Variants in GALNTL6 observed in about 807,000 individuals in gnomAD.
The protein encoded by GALNTL6 is polypeptide N-acetylgalactosaminyltransferase like 6.
A neutral mutation model predicts 73.7 loss-of-function variants in GALNTL6; 46 were observed. That is an observed-to-expected ratio of 0.62 (90% CI 0.49 to 0.80). The LOEUF is 0.80. Ranked by LOEUF, GALNTL6 falls within the 30% of genes least tolerant of loss-of-function variation. The probability of loss-of-function intolerance (pLI) is 0.00; values close to 1 mark genes in which losing one functional copy is unlikely to be tolerated. For missense variants in GALNTL6, 604 were observed against 755.0 expected (o/e 0.80, Z 2.34); for synonymous variants, 259 against 263.7 (o/e 0.98, Z 0.17).
intron 5 of GALNTL6, among the ~76,000 whole-genome samples, chr4:172,551,911 A>G (rs1194214637): frequency 6.6e-6 from 1 of 152,170 alleles, no homozygotes; most frequent in East Asian, 1.9e-4. Flanking sequence ...ATGTAAAGAA[A>G]AATTCAAGTG....
At chr4:172,300,288 G>C (rs1290929247) in intron 3 of GALNTL6, among the ~76,000 whole-genome samples, 1 of 152,096 alleles carries the variant, frequency 6.6e-6, no homozygotes, top group Non-Finnish European at 1.5e-5. Context: ...TGGGTTTCCT[G>C]AATACAGCAC....
intron 5 of GALNTL6, among the ~76,000 whole-genome samples, chr4:172,421,928 G>A (rs770521309): frequency 2.1e-4 from 23 of 110,732 alleles, no homozygotes; most frequent in South Asian, 1.3e-3. Context: ...TTTTTGAACC[G>A]TTTCTAGCTG....
At chr4:172,124,497 C>T (rs1177930355) in intron 2 of GALNTL6, among the ~76,000 whole-genome samples, 1 of 151,952 alleles carries the variant, frequency 6.6e-6, no homozygotes, top group Admixed American at 6.6e-5. Flanking sequence ...ATTTCTTTAA[C>T]CAGGGTGATA....
chr4:171,850,577 T>G (rs1263726234), intron 2 of GALNTL6, among the ~76,000 whole-genome samples: 5 of 152,160 alleles, frequency 3.3e-5, no homozygotes, highest in African/African-American at 1.2e-4. Context: ...TTTTGTTAAG[T>G]GCAGGTGTGT....
At chr4:172,613,457 G>A (rs1455127) in intron 5 of GALNTL6, among the ~76,000 whole-genome samples, 142,238 of 151,904 alleles carry the variant, frequency 0.94, 67,058 homozygotes, top group Non-Finnish European at 1. Flanking sequence ...AAGTGCTAGG[G>A]CCTATAAAGC....
At chr4:172,909,307 TA>T (rs1185367298) in intron 8 of GALNTL6, among the ~76,000 whole-genome samples, 1,435 of 138,798 alleles carry the variant, frequency 0.01, 22 homozygotes, top group African/African-American at 0.032. Context: ...AAGTGTGTTT[TA>T]AAAAAAAAAA....
At chr4:173,035,180 CT>C (rs5864181) in intron 12 of GALNTL6, among the ~76,000 whole-genome samples, 161 of 136,570 alleles carry the variant, frequency 1.2e-3, no homozygotes, top group Admixed American at 1.6e-3. Context: ...GTGCCATGCT[CT>C]TTTTTTTTTT....
At chr4:172,346,154 A>G (rs1741730728) in intron 4 of GALNTL6, among the ~76,000 whole-genome samples, 1 of 152,222 alleles carries the variant, frequency 6.6e-6, no homozygotes, top group South Asian at 2.1e-4. Context: ...ATCTCTCATG[A>G]GCCTGTTCCT....
At chr4:171,982,712 A>C (rs1322507452) in intron 2 of GALNTL6, among the ~76,000 whole-genome samples, 1 of 152,166 alleles carries the variant, frequency 6.6e-6, no homozygotes, top group Non-Finnish European at 1.5e-5. Flanking sequence ...TCAACATTTG[A>C]CTTACAAAGT....
chr4:172,574,371 A>G (rs1184795313), intron 5 of GALNTL6, among the ~76,000 whole-genome samples: 1 of 151,888 alleles, frequency 6.6e-6, no homozygotes, highest in Non-Finnish European at 1.5e-5. Flanking sequence ...TAGTATGATT[A>G]TTTGACTGTA....
At position 172,722,665 on chromosome 4, in the gene GALNTL6, A is replaced by G. The variant is rs148493629; in HGVS notation, c.554-86696A>G. Among the ~76,000 whole-genome samples the G allele has an allele frequency of 8.7e-3, 1,327 of 152,342 alleles. 22 individuals are homozygous for G. The highest frequency in any genetic ancestry group is 0.03 in the African/African-American group (1,264 of 41,590). The stretch of plus-strand genomic sequence containing the variant: ...AAAAATAATTTTACCTACATGTACC[A>G]TACCATAAGTGAACTCTAAAATTGG... On this transcript the variant is annotated intron_variant, in intron 5 of 12. Coordinates refer to ENST00000506823, the MANE Select transcript of GALNTL6 (RefSeq NM_001034845.3).
At chr4:172,394,924 C>G (rs1352410844) in intron 5 of GALNTL6, among the ~76,000 whole-genome samples, 1 of 152,156 alleles carries the variant, frequency 6.6e-6, no homozygotes, top group Admixed American at 6.5e-5. Flanking sequence ...CAATTACTAT[C>G]ATTTATATTA....
At chr4:172,186,923 TG>T (rs1345804930) in intron 2 of GALNTL6, among the ~76,000 whole-genome samples, 2 of 152,144 alleles carry the variant, frequency 1.3e-5, no homozygotes, top group African/African-American at 4.8e-5. Context: ...TTACGTTACA[TG>T]AATTTTGCCT....
chr4:172,234,355 G>T (rs1482880474), intron 3 of GALNTL6, among the ~76,000 whole-genome samples: 1 of 152,050 alleles, frequency 6.6e-6, no homozygotes, highest in African/African-American at 2.4e-5. Flanking sequence ...CAATTTAAAT[G>T]CTCATTTTGA....
At chr4:172,236,725 T>C (rs1336779922) in intron 3 of GALNTL6, among the ~76,000 whole-genome samples, 1 of 149,032 alleles carries the variant, frequency 6.7e-6, no homozygotes, top group East Asian at 2.0e-4. Flanking sequence ...TTATTTTATT[T>C]TGTTTTACTT....
At chr4:171,843,030 C>T (rs1560809901) in intron 2 of GALNTL6, among the ~76,000 whole-genome samples, 1 of 152,104 alleles carries the variant, frequency 6.6e-6, no homozygotes, top group Non-Finnish European at 1.5e-5. Context: ...TTAGATCGTG[C>T]ACTTTTTAGA....
intron 7 of GALNTL6, among the ~76,000 whole-genome samples, chr4:172,846,837 T>C (rs905383466): frequency 6.6e-6 from 1 of 152,224 alleles, no homozygotes; most frequent in African/African-American, 2.4e-5. Context: ...CAAATATAAT[T>C]CTGACTACAT....
intron 5 of GALNTL6, among the ~76,000 whole-genome samples, chr4:172,646,163 A>G (rs2111136533): frequency 6.6e-6 from 1 of 152,162 alleles, no homozygotes; most frequent in East Asian, 1.9e-4. Context: ...TTCTTCTTCT[A>G]AAAGATTGTC....
At chr4:172,882,709 G>C (rs779364730) in intron 7 of GALNTL6, 81 bp from the exon 8 acceptor site, 190 of 943,998 alleles carry the variant, frequency 2.0e-4, no homozygotes, top group Admixed American at 4.2e-4. Context: ...AACATATCTT[G>C]AATTTTACTT....
Sources: gnomAD v4.1 joint callset for allele counts (sites outside exome capture counted in the v4.1 genomes callset) on GRCh38, gnomAD v4.1.1 for gene constraint, MANE v1.5 for transcripts, NCBI Gene and HGNC (gene_info 2026-07-23, HGNC 2026-07-21) for gene names.